The following OCA2 variants were observed in gnomAD, a reference collection of about 807,000 sequenced individuals.
OCA2 encodes the protein OCA2 melanosomal transmembrane protein, also known as P protein.
Under a neutral mutation model 100.2 loss-of-function variants are expected in OCA2, and 77 were observed. That is an observed-to-expected ratio of 0.77 (90% CI 0.64 to 0.93). The LOEUF (loss-of-function observed/expected upper bound fraction) is 0.93. Among genes scored for constraint, OCA2 ranks in the 40% least tolerant of loss-of-function variants. The pLI, the probability that OCA2 is intolerant of heterozygous loss-of-function variation, is 0.00. For missense variants in OCA2, 1,062 were observed against 1,089.1 expected, an observed-to-expected ratio of 0.98 and a Z score of 0.35; for synonymous variants, 432 against 439.2, an observed-to-expected ratio of 0.98 and a Z score of 0.21.
intron 9 of OCA2, among the ~76,000 whole-genome samples, chr15:28,009,901 T>C (rs973943184): frequency 1.3e-5 from 2 of 152,024 alleles, no homozygotes; most frequent in Admixed American, 6.6e-5. Flanking sequence ...AATGTAAGAA[T>C]TAGAGAGAAC....
chr15:27,858,996 T>A (rs549847253), intron 21 of OCA2, among the ~76,000 whole-genome samples: 5 of 152,140 alleles, frequency 3.3e-5, no homozygotes, highest in African/African-American at 1.2e-4. Context: ...AGACACAACA[T>A]ACTAAAACTT....
intron 19 of OCA2, among the ~76,000 whole-genome samples, chr15:27,912,499 G>C (rs1288460083): frequency 6.6e-6 from 1 of 151,736 alleles, no homozygotes; most frequent in Non-Finnish European, 1.5e-5. Context: ...GTCAAAACTG[G>C]AATAATCTGA....
intron 1 of OCA2, among the ~76,000 whole-genome samples, chr15:28,098,846 G>T (rs902263790): frequency 6.6e-6 from 1 of 152,236 alleles, no homozygotes; most frequent in Non-Finnish European, 1.5e-5. Context: ...CTAAGGAAAC[G>T]CCTGACCACG....
intron 19 of OCA2, among the ~76,000 whole-genome samples, chr15:27,899,632 G>A (rs1013223781): frequency 4.6e-5 from 7 of 152,108 alleles, no homozygotes; most frequent in African/African-American, 1.7e-4. Context: ...ATTCTACAGC[G>A]AAGGCAGTGC....
intron 16 of OCA2, 56 bp from the exon 17 acceptor site, chr15:27,955,271 C>T (rs751309181): frequency 6.7e-5 from 86 of 1,279,698 alleles, no homozygotes; most frequent in Non-Finnish European, 8.8e-5. Context: ...GTGGTGAGAT[C>T]GCGGAGCAGC....
intron 14 of OCA2, among the ~76,000 whole-genome samples, chr15:27,971,487 G>C (rs1187835468): frequency 6.6e-6 from 1 of 152,124 alleles, no homozygotes; most frequent in South Asian, 2.1e-4. Context: ...GTTGGTGCGC[G>C]TGGATGCTAC....
At chr15:27,952,039 G>A in intron 17 of OCA2, 147 bp from the exon 18 acceptor site, 1 of 712,968 alleles carries the variant, frequency 1.4e-6, no homozygotes, top group African/African-American at 1.7e-5. Flanking sequence ...GCAAAGTACT[G>A]TGTTACAAGG....
At chr15:27,894,465 G>C (rs192182900) in intron 19 of OCA2, among the ~76,000 whole-genome samples, 1 of 152,204 alleles carries the variant, frequency 6.6e-6, no homozygotes, top group South Asian at 2.1e-4. Flanking sequence ...AGCAGAATTC[G>C]TATAGAGATG....
intron 9 of OCA2, among the ~76,000 whole-genome samples, chr15:28,003,756 G>A (rs1414076869): frequency 2.6e-5 from 4 of 152,166 alleles, no homozygotes; most frequent in African/African-American, 9.6e-5. Flanking sequence ...CGCCCTCGAC[G>A]TCCACGAGGG....
intron 2 of OCA2, among the ~76,000 whole-genome samples, chr15:28,051,002 G>T (rs1217702514): frequency 6.6e-6 from 1 of 152,120 alleles, no homozygotes; most frequent in East Asian, 1.9e-4. Flanking sequence ...CTGCATGTGT[G>T]GCCCTGCACA....
chr15:27,780,534 AG>A (rs374387889), intron 23 of OCA2, among the ~76,000 whole-genome samples: 6 of 152,326 alleles, frequency 3.9e-5, no homozygotes, highest in African/African-American at 1.4e-4. Flanking sequence ...GGGCTCCTTT[AG>A]TTGTCTCTGA....
At chr15:27,760,527 G>A (rs1470795565) in intron 23 of OCA2, among the ~76,000 whole-genome samples, 1 of 151,730 alleles carries the variant, frequency 6.6e-6, no homozygotes, top group Non-Finnish European at 1.5e-5. Context: ...AAACAAAGCT[G>A]ATTTTTTAAA....
At chr15:27,819,624 G>A (rs570584087) in intron 23 of OCA2, among the ~76,000 whole-genome samples, 10 of 152,316 alleles carry the variant, frequency 6.6e-5, no homozygotes, top group African/African-American at 2.4e-4. Context: ...AAGGGGTGGA[G>A]GCTAGAATTA....
the OCA2 span, among the ~76,000 whole-genome samples, chr15:27,739,134 G>T: frequency 1.3e-5 from 2 of 152,108 alleles, no homozygotes; most frequent in African/African-American, 4.8e-5. Flanking sequence ...GTTTTCTTTA[G>T]TTCCAGATAC....
At chr15:27,767,998 G>A (rs1411606123) in intron 23 of OCA2, among the ~76,000 whole-genome samples, 1 of 152,224 alleles carries the variant, frequency 6.6e-6, no homozygotes, top group Non-Finnish European at 1.5e-5. Context: ...AGTGGAGGAA[G>A]GGGGAATAGT....
intron 2 of OCA2, among the ~76,000 whole-genome samples, chr15:28,039,700 T>C (rs192104713): frequency 3.7e-4 from 57 of 152,240 alleles, no homozygotes; most frequent in Non-Finnish European, 5.7e-4. Context: ...ATGAAGCCAT[T>C]AGGATGGATC....
intron 14 of OCA2, among the ~76,000 whole-genome samples, chr15:27,977,621 C>A (rs2041011590): frequency 6.6e-6 from 1 of 152,174 alleles, no homozygotes; most frequent in Admixed American, 6.5e-5. Context: ...TATAATTCAA[C>A]ACAAAATTGC....
intron 5 of OCA2, among the ~76,000 whole-genome samples, chr15:28,023,913 T>TGCAGACACGAAGACAC (rs2042670093): frequency 6.6e-6 from 1 of 151,940 alleles, no homozygotes; most frequent in Admixed American, 6.5e-5. Flanking sequence ...TACACCCACG[T>TGCAGACACGAAGACAC]GCAGACACGA....
intron 2 of OCA2, among the ~76,000 whole-genome samples, chr15:28,037,885 A>G (rs1283305728): frequency 6.6e-6 from 1 of 152,182 alleles, no homozygotes; most frequent in Non-Finnish European, 1.5e-5. Flanking sequence ...CCCTCTGTAC[A>G]GATGTACTCT....
Sources: allele counts gnomAD v4.1 joint callset (sites outside exome capture counted in the v4.1 genomes callset), GRCh38; gene constraint gnomAD v4.1.1; transcripts MANE v1.5; gene names NCBI Gene and HGNC (gene_info 2026-07-23, HGNC 2026-07-21).